The following ACVR1 variants were observed in gnomAD, a reference collection of about 807,000 sequenced individuals.
ACVR1 encodes activin receptor type-1.
ACVR1 carries 38 observed loss-of-function variants against 57.1 expected under a neutral mutation model. The observed-to-expected ratio is 0.67, with a 90% CI of 0.51 to 0.87. ACVR1 has a LOEUF of 0.87. Among genes scored for constraint, ACVR1 ranks in the 40% least tolerant of loss-of-function variants. ACVR1 has a pLI of 0.00. For missense variants in ACVR1, 463 were observed against 638.2 expected (o/e 0.73, Z 2.96); for synonymous variants, 212 against 228.1 (o/e 0.93, Z 0.63).
intron 1 of ACVR1, among the ~76,000 whole-genome samples, chr2:157,836,979 G>T (rs995871577): frequency 6.6e-6 from 1 of 152,200 alleles, no homozygotes; most frequent in Non-Finnish European, 1.5e-5. Flanking sequence ...CCCATGAACA[G>T]GAAGAACAGA....
intron 2 of ACVR1, among the ~76,000 whole-genome samples, chr2:157,817,967 A>G (rs1688004926): frequency 1.3e-5 from 2 of 150,036 alleles, no homozygotes; most frequent in Admixed American, 1.4e-4. Flanking sequence ...ACACCACTGC[A>G]CTCCAGCCTA....
chr2:157,838,813 A>C (rs1353559764), intron 1 of ACVR1, among the ~76,000 whole-genome samples: 2 of 152,146 alleles, frequency 1.3e-5, no homozygotes, highest in African/African-American at 4.8e-5. Flanking sequence ...CTTCATGTTT[A>C]AACCTGCCTC....
chr2:157,739,853 G>A (rs1684684802), intron 9 of ACVR1, among the ~76,000 whole-genome samples: 2 of 152,084 alleles, frequency 1.3e-5, no homozygotes, highest in Admixed American at 6.6e-5. Context: ...CTAAATAAAG[G>A]TTTATATTTG....
chr2:157,810,511 C>T (rs1687714137), intron 2 of ACVR1, among the ~76,000 whole-genome samples: 2 of 152,166 alleles, frequency 1.3e-5, no homozygotes, highest in African/African-American at 4.8e-5. Context: ...ATATGTAATT[C>T]AAAATGCTAA....
At chr2:157,783,180 A>T (rs1411844877) in intron 3 of ACVR1, among the ~76,000 whole-genome samples, 1 of 152,236 alleles carries the variant, frequency 6.6e-6, no homozygotes, top group Admixed American at 6.5e-5. Flanking sequence ...GCCAAATTTT[A>T]AAAAAATAAA....
intron 1 of ACVR1, among the ~76,000 whole-genome samples, chr2:157,830,399 T>G (rs1057065045): frequency 1.3e-5 from 2 of 152,166 alleles, no homozygotes; most frequent in Non-Finnish European, 2.9e-5. Context: ...TTTTCAGTGT[T>G]GTCATGGCTT....
intron 9 of ACVR1, 58 bp downstream of exon 9, chr2:157,760,822 G>A: frequency 6.5e-7 from 1 of 1,538,634 alleles, no homozygotes; most frequent in Non-Finnish European, 9.0e-7. Context: ...CCCTTTTAAA[G>A]GTAGCTGGAT....
intron 8 of ACVR1, among the ~76,000 whole-genome samples, chr2:157,762,364 A>G (rs1216944442): frequency 6.6e-6 from 1 of 152,198 alleles, no homozygotes; most frequent in Non-Finnish European, 1.5e-5. Context: ...TTAAACTATA[A>G]TAGGTATGTA....
intron 1 of ACVR1, among the ~76,000 whole-genome samples, chr2:157,856,610 T>C (rs1292924043): frequency 6.6e-6 from 1 of 152,196 alleles, no homozygotes. Flanking sequence ...TTTACTGGAC[T>C]TGAGCTTTGT....
At chr2:157,812,336 C>A (rs1687778693) in intron 2 of ACVR1, among the ~76,000 whole-genome samples, 1 of 152,054 alleles carries the variant, frequency 6.6e-6, no homozygotes, top group Admixed American at 6.5e-5. Flanking sequence ...GAGGGGGAAA[C>A]CCCAGGTTTA....
chr2:157,754,654 A>G lies in ACVR1; in HGVS notation c.1264+6226T>C, dbSNP rs532941340. 1.2e-4 allele frequency among the ~76,000 whole-genome samples: 19 copies of G among 152,276 alleles called. 1 individual carries two copies. In the East Asian group the frequency reaches 3.1e-3, roughly 25 times the overall value. ...GAAAAAAAAGTCCAGGACCAGATGA[A>G]TTCACAGCCGAATTCTATCAGACAT... On this transcript the variant is annotated intron_variant, in intron 9 of 10. Coordinates refer to ENST00000434821, the MANE Select transcript of ACVR1 (RefSeq NM_001111067.4).
At chr2:157,816,854 T>A (rs1687956401) in intron 2 of ACVR1, among the ~76,000 whole-genome samples, 2 of 152,196 alleles carry the variant, frequency 1.3e-5, no homozygotes, top group South Asian at 2.1e-4. Context: ...ATTTTGCACT[T>A]CAGGCTTCCC....
At chr2:157,845,899 T>C (rs941029076) in intron 1 of ACVR1, among the ~76,000 whole-genome samples, 1 of 152,178 alleles carries the variant, frequency 6.6e-6, no homozygotes, top group African/African-American at 2.4e-5. Context: ...ATGTGCTGTT[T>C]TAGAAAAATT....
intron 1 of ACVR1, among the ~76,000 whole-genome samples, chr2:157,837,243 A>G (rs1688814262): frequency 6.6e-6 from 1 of 152,200 alleles, no homozygotes; most frequent in African/African-American, 2.4e-5. Flanking sequence ...ATTTACAGGG[A>G]TGCTTTTCTA....
intron 1 of ACVR1, among the ~76,000 whole-genome samples, chr2:157,821,050 G>C (rs1334282627): frequency 1.3e-5 from 2 of 152,150 alleles, no homozygotes; most frequent in Non-Finnish European, 2.9e-5. Flanking sequence ...GGGAAATAAC[G>C]TGAACTGGAT....
chr2:157,809,040 A>G (rs879730298), intron 2 of ACVR1, among the ~76,000 whole-genome samples: 1 of 152,202 alleles, frequency 6.6e-6, no homozygotes, highest in Admixed American at 6.5e-5. Flanking sequence ...TATCTATTTA[A>G]ATAGACCAGC....
intron 1 of ACVR1, among the ~76,000 whole-genome samples, chr2:157,845,507 C>T (rs1344118797): frequency 6.6e-6 from 1 of 152,026 alleles, no homozygotes; most frequent in Admixed American, 6.6e-5. Flanking sequence ...TCCCCTAAAG[C>T]CATCAGTTAG....
intron 1 of ACVR1, among the ~76,000 whole-genome samples, chr2:157,871,256 C>T (rs1310357568): frequency 6.6e-6 from 1 of 152,130 alleles, no homozygotes; most frequent in African/African-American, 2.4e-5. Context: ...AGGAGACTGT[C>T]GAAAGGCAAA....
At chr2:157,743,434 G>A (rs909239717) in intron 9 of ACVR1, among the ~76,000 whole-genome samples, 1 of 151,822 alleles carries the variant, frequency 6.6e-6, no homozygotes, top group African/African-American at 2.4e-5. Flanking sequence ...ATATTCTGGG[G>A]ATTTTTTGCC....
Sources: gnomAD v4.1 joint callset for allele counts (sites outside exome capture counted in the v4.1 genomes callset) on GRCh38, gnomAD v4.1.1 for gene constraint, MANE v1.5 for transcripts, NCBI Gene and HGNC (gene_info 2026-07-23, HGNC 2026-07-21) for gene names.